Variants in DNAH8 observed in about 807,000 individuals in gnomAD.
DNAH8 encodes dynein axonemal heavy chain 8, also known as axonemal beta dynein heavy chain 8.
DNAH8 carries 382 observed loss-of-function variants against 562.1 expected under a neutral mutation model. The ratio of observed to expected loss-of-function variants is 0.68; its 90% CI spans 0.63 to 0.74. DNAH8 has a LOEUF of 0.74. Among genes scored for constraint, DNAH8 ranks in the 30% least tolerant of loss-of-function variants. DNAH8 has a pLI of 0.00. For missense variants in DNAH8, 5,203 were observed against 5,620.4 expected, an observed-to-expected ratio of 0.93 and a Z score of 2.37; for synonymous variants, 1,881 against 1,919.4, an observed-to-expected ratio of 0.98 and a Z score of 0.52.
At chr6:38,859,832 C>T (rs1286794031) in intron 42 of DNAH8, among the ~76,000 whole-genome samples, 1 of 152,170 alleles carries the variant, frequency 6.6e-6, no homozygotes, top group Non-Finnish European at 1.5e-5. Flanking sequence ...CATATATAAC[C>T]ATGTGTTTCC....
At chr6:38,794,639 T>A (rs546801105) in intron 21 of DNAH8, among the ~76,000 whole-genome samples, 419 of 152,348 alleles carry the variant, frequency 2.8e-3, no homozygotes, top group Middle Eastern at 0.024. Context: ...TTGAACTTCA[T>A]GTAAATGGAA....
In DNAH8 at chr6:38,851,663, C is replaced by T. The variant is rs1468825447; in HGVS notation, c.5455C>T (p.His1819Tyr). 6.3e-7 allele frequency: 1 copy of T among 1,599,222 alleles called. No homozygotes were observed. The highest frequency in any genetic ancestry group is 8.6e-7 in the Non-Finnish European group (1 of 1,167,730). Residue 1819 changes from histidine to tyrosine, a missense_variant, in exon 39 of 93, where the codon CAC becomes TAC. His to Tyr is a moderately conservative substitution (Grantham distance 83). Transcript: ENST00000327475. ...AATTCTTGGACAAGCCAGTGATTCC[C>T]ACACCATACAGGTATAATCTAAGAA... ...LEILGQASDS[H>Y]TIQPHLPAVS...
chr6:38,909,836 T>C, intron 65 of DNAH8, 92 bp downstream of exon 65: 2 of 1,013,060 alleles, frequency 2.0e-6, no homozygotes, highest in Non-Finnish European at 3.0e-6. Context: ...AGACTCTTTC[T>C]ATTCATTGAG....
intron 12 of DNAH8, 120 bp downstream of exon 12, chr6:38,770,679 T>C: frequency 4.3e-6 from 4 of 940,420 alleles, no homozygotes; most frequent in Non-Finnish European, 5.9e-6. Flanking sequence ...TGTTATGACT[T>C]GTCTAATATT....
chr6:38,789,138 T>C (rs1769456679), intron 18 of DNAH8, among the ~76,000 whole-genome samples: 1 of 152,204 alleles, frequency 6.6e-6, no homozygotes, highest in Non-Finnish European at 1.5e-5. Context: ...CAAAGTTCTT[T>C]AGCCAGTGTC....
intron 21 of DNAH8, among the ~76,000 whole-genome samples, chr6:38,799,917 A>G (rs747639685): frequency 6.6e-6 from 1 of 152,204 alleles, no homozygotes; most frequent in Non-Finnish European, 1.5e-5. Flanking sequence ...AAATTTATTC[A>G]TAGTAGCCTA....
intron 87 of DNAH8, among the ~76,000 whole-genome samples, chr6:38,984,740 G>A (rs987112819): frequency 3.9e-5 from 6 of 152,084 alleles, no homozygotes; most frequent in Non-Finnish European, 5.9e-5. Flanking sequence ...GCAGTGAACC[G>A]GGATCGCACC....
intron 79 of DNAH8, among the ~76,000 whole-genome samples, chr6:38,941,899 C>T (rs1286846619): frequency 6.6e-6 from 1 of 152,124 alleles, no homozygotes; most frequent in Non-Finnish European, 1.5e-5. Context: ...AAATCTTACC[C>T]CACCCCCTCC....
rs746058279 is a variant in DNAH8 at position 38,951,468 on chromosome 6, G to A, written c.12399G>A (p.Met4133Ile). The change falls in exon 82 of 93, where the codon ATG (methionine) becomes ATA (isoleucine). Residue 4133 changes from methionine (M) to isoleucine (I), a missense_variant. Coordinates refer to ENST00000327475, the MANE Select transcript of DNAH8 (RefSeq NM_001206927.2). ...CACCTCTGATATGCTTCCTGTCCAT[G>A]GGATCTGACCCCACCAATCAAATTG... ...TRTPLICFLS[M>I]GSDPTNQIDA... 9.3e-6 allele frequency: 15 copies of A among 1,613,996 alleles called. No homozygotes were observed. Among genetic ancestry groups the A allele is most frequent in the Non-Finnish European group, 1.3e-5 (15 of 1,180,034 alleles).
intron 4 of DNAH8, among the ~76,000 whole-genome samples, chr6:38,734,125 A>G (rs1763882910): frequency 6.6e-6 from 1 of 151,566 alleles, no homozygotes; most frequent in Non-Finnish European, 1.5e-5. Context: ...CTAAGAAAAA[A>G]TAAATACAAA....
chr6:38,730,346 C>G (rs2127574079), intron 4 of DNAH8, among the ~76,000 whole-genome samples: 1 of 152,344 alleles, frequency 6.6e-6, no homozygotes, highest in Middle Eastern at 3.4e-3. Context: ...CCCTGTGGTC[C>G]TATCTCAGCA....
At chr6:38,834,527 G>A (rs900861117) in intron 31 of DNAH8, 52 bp from the exon 32 acceptor site, 2 of 1,284,824 alleles carry the variant, frequency 1.6e-6, no homozygotes, top group Non-Finnish European at 2.2e-6. Flanking sequence ...CCAATAAACT[G>A]ACAAATACAT....
rs1158990954 is a variant in DNAH8 at position 38,951,518 on chromosome 6, T to C, written c.12449T>C (p.Leu4150Pro). Residue 4150 changes from leucine to proline, a missense_variant and splice_region_variant, in exon 82 of 93, where the codon CTG (leucine) becomes CCG (proline). Leu to Pro is a moderately conservative substitution (Grantham distance 98, BLOSUM62 -3). Transcript: ENST00000327475. Reference protein sequence around the residue: ...QIDALAKKLKLECRTISMGQG... With the variant: ...QIDALAKKLKPECRTISMGQG... ...GATGCATTGGCCAAGAAACTGAAACTGGGTAAGACTAGCAATCTACAAAAT... is the reference window on the plus strand; with the variant it reads ...GATGCATTGGCCAAGAAACTGAAACCGGGTAAGACTAGCAATCTACAAAAT... 6.2e-7 allele frequency: 1 copy of C among 1,612,414 alleles called. No individual in the cohort carries two copies. Among genetic ancestry groups the C allele is most frequent in the Non-Finnish European group, 8.5e-7 (1 of 1,179,154 alleles).
At chr6:38,755,290 G>A (rs959558907) in intron 9 of DNAH8, among the ~76,000 whole-genome samples, 3 of 152,088 alleles carry the variant, frequency 2.0e-5, no homozygotes, top group African/African-American at 7.2e-5. Flanking sequence ...ATATGCTAAC[G>A]CTCTTAGCCT....
At chr6:38,839,521 T>C (rs1399567727) in intron 33 of DNAH8, among the ~76,000 whole-genome samples, 2 of 151,912 alleles carry the variant, frequency 1.3e-5, no homozygotes, top group Non-Finnish European at 2.9e-5. Flanking sequence ...GCCCAGGTAA[T>C]TTTTAAAAAA....
At position 38,936,990 on chromosome 6, in the gene DNAH8, T is replaced by C. The variant is rs186420193; in HGVS notation, c.11564-984T>C. Among the ~76,000 whole-genome samples the C allele has an allele frequency of 2.0e-5, 3 of 152,174 alleles. No homozygotes were observed. The East Asian group carries it at 5.8e-4, about 29-fold the overall frequency. On this transcript the variant is annotated intron_variant, in intron 77 of 92. Coordinates refer to ENST00000327475, the MANE Select transcript of DNAH8 (RefSeq NM_001206927.2). ...TAATTAAAAACCAAATTCATTGTCA[T>C]AAACATGCACTATTTCCATTAAAAA...
intron 31 of DNAH8, among the ~76,000 whole-genome samples, chr6:38,832,907 T>C (rs1773961627): frequency 6.6e-6 from 1 of 152,032 alleles, no homozygotes; most frequent in Non-Finnish European, 1.5e-5. Flanking sequence ...GGTCTGGTTT[T>C]GTCTTTTCTC....
chr6:38,789,249 T>G (rs1176225364), intron 18 of DNAH8, among the ~76,000 whole-genome samples: 1 of 152,178 alleles, frequency 6.6e-6, no homozygotes, highest in Non-Finnish European at 1.5e-5. Flanking sequence ...TTGAAACAGT[T>G]TAAGATTATT....
At chr6:39,008,432 A>C (rs1438194842) in intron 88 of DNAH8, among the ~76,000 whole-genome samples, 1 of 152,182 alleles carries the variant, frequency 6.6e-6, no homozygotes, top group African/African-American at 2.4e-5. Context: ...AAGCTGTCCT[A>C]TAATGATAGA....
Sources: gnomAD v4.1 joint callset for allele counts (sites outside exome capture counted in the v4.1 genomes callset) on GRCh38, gnomAD v4.1.1 for gene constraint, MANE v1.5 for transcripts, NCBI Gene and HGNC (gene_info 2026-07-23, HGNC 2026-07-21) for gene names.